Variants in POGZ observed in about 807,000 individuals in gnomAD.
POGZ encodes pogo transposable element with ZNF domain.
POGZ carries 17 observed loss-of-function variants against 134.6 expected under a neutral mutation model. The ratio of observed to expected loss-of-function variants is 0.13; its 90% CI spans 0.09 to 0.19. POGZ has a LOEUF of 0.19. Ranked by LOEUF, POGZ falls within the 10% of genes least tolerant of loss-of-function variation. The pLI, the probability that POGZ is intolerant of heterozygous loss-of-function variation, is 1.00. For missense variants in POGZ, 1,306 were observed against 1,769.7 expected (o/e 0.74, Z 4.70); for synonymous variants, 693 against 657.1 (o/e 1.05, Z -0.84).
chr1:151,450,766 G>A (rs1661948135), intron 1 of POGZ: 1 of 150,982 alleles, frequency 6.6e-6, no homozygotes, highest in African/African-American at 2.5e-5. Context: ...TTTTTGCAGA[G>A]GGCAATGCCT....
intron 1 of POGZ, among the ~76,000 whole-genome samples, chr1:151,453,942 G>A (rs1557957851): frequency 3.3e-5 from 5 of 152,136 alleles, no homozygotes; most frequent in Non-Finnish European, 5.9e-5. Context: ...TACTTTTAAG[G>A]TATTTAATGG....
intron 12 of POGZ, among the ~76,000 whole-genome samples, chr1:151,409,442 A>G (rs1654276478): frequency 6.6e-6 from 1 of 151,958 alleles, no homozygotes; most frequent in Non-Finnish European, 1.5e-5. Context: ...TGGCATGTTC[A>G]TAGCTCACTG....
intron 3 of POGZ, among the ~76,000 whole-genome samples, chr1:151,436,553 C>T (rs979550276): frequency 6.6e-6 from 1 of 152,182 alleles, no homozygotes; most frequent in Non-Finnish European, 1.5e-5. Context: ...AAACGATTCT[C>T]CTGCCTCAGC....
intron 10 of POGZ, 90 bp from the exon 11 acceptor site, chr1:151,412,486 T>G (rs1229361125): frequency 2.8e-6 from 2 of 726,614 alleles, no homozygotes; most frequent in Non-Finnish European, 4.8e-6. Context: ...GCCTCCTTTA[T>G]TTTGATTTTC....
intron 16 of POGZ, 35 bp downstream of exon 16, chr1:151,407,199 GA>G: frequency 6.7e-7 from 1 of 1,484,730 alleles, no homozygotes; most frequent in Non-Finnish European, 9.3e-7. Flanking sequence ...GTAAAAACCT[GA>G]AAAATTAAGA....
At chr1:151,426,105 T>C (rs747576831) in intron 7 of POGZ, 3 of 152,146 alleles carry the variant, frequency 2.0e-5, no homozygotes, top group African/African-American at 2.4e-5. Flanking sequence ...TAATGATTAA[T>C]AACACTGAGC....
At chr1:151,424,424 C>G (rs1557902675) in intron 8 of POGZ, 138 bp from the exon 9 acceptor site, 1 of 584,990 alleles carries the variant, frequency 1.7e-6, no homozygotes, top group Admixed American at 3.4e-5. Flanking sequence ...TTTTTTTTAG[C>G]GTTTCCAAGT....
intron 1 of POGZ, among the ~76,000 whole-genome samples, chr1:151,445,605 A>AT (rs955904229): frequency 3.1e-5 from 2 of 64,472 alleles, no homozygotes; most frequent in Admixed American, 1.1e-4. Flanking sequence ...AATATTTTTC[A>AT]TTTTTTTTTA....
chr1:151,437,229 C>T (rs970766805), intron 3 of POGZ, among the ~76,000 whole-genome samples: 9 of 151,184 alleles, frequency 6.0e-5, no homozygotes, highest in African/African-American at 2.2e-4. Flanking sequence ...GTAATACATG[C>T]CACAAACACC....
intron 5 of POGZ, among the ~76,000 whole-genome samples, chr1:151,428,818 C>T (rs1658197060): frequency 1.3e-5 from 2 of 152,166 alleles, no homozygotes; most frequent in African/African-American, 4.8e-5. Flanking sequence ...CCATCCTCTT[C>T]TATCAACTCA....
chr1:151,458,955 GGCCGCCCCTGCCGCGGGCCGC>G lies in POGZ; in HGVS notation c.-2+176_-2+196del, dbSNP rs1243678800. Reference sequence around the variant, plus strand: ...CTCGCGCTCGCGCGCCGCACCCCGCGGCCGCCCCTGCCGCGGGCCGCGCCGCCACTCGCGGTGGGCGGGGGC... The same window carrying G: ...CTCGCGCTCGCGCGCCGCACCCCGCGGCCGCCACTCGCGGTGGGCGGGGGC... On this transcript the variant is annotated intron_variant, in intron 1 of 18. Transcript: ENST00000271715. Among the ~76,000 whole-genome samples the G allele has an allele frequency of 5.5e-4, 79 of 144,076 alleles. 1 individual carries two copies. The highest frequency in any genetic ancestry group is 3.1e-3 in the Admixed American group (45 of 14,614). The allele number at this position is 144,076 out of a possible 152,430, so 94.5% of individuals were successfully genotyped here.
chr1:151,423,346 G>A (rs1358443471), intron 10 of POGZ, 51 bp downstream of exon 10: 2 of 1,481,714 alleles, frequency 1.3e-6, no homozygotes, highest in Non-Finnish European at 9.4e-7. Context: ...GCCATTCAAT[G>A]AGTGAACAGC....
intron 10 of POGZ, among the ~76,000 whole-genome samples, chr1:151,416,346 TAGGAGTTAG>T (rs1269673500): frequency 6.7e-6 from 1 of 148,314 alleles, no homozygotes; most frequent in Admixed American, 6.7e-5. Flanking sequence ...CACTTGAGGC[TAGGAGTTAG>T]AGACCAGCCT....
At chr1:151,433,123 T>C (rs897323307) in intron 3 of POGZ, among the ~76,000 whole-genome samples, 5 of 152,170 alleles carry the variant, frequency 3.3e-5, no homozygotes, top group Non-Finnish European at 7.3e-5. Flanking sequence ...AACATCCCAA[T>C]TAAATACAAG....
intron 10 of POGZ, among the ~76,000 whole-genome samples, chr1:151,414,726 G>A (rs1328285249): frequency 1.3e-5 from 2 of 152,138 alleles, no homozygotes; most frequent in Non-Finnish European, 2.9e-5. Context: ...AGGCTGCGGT[G>A]AGCCAAGATG....
Position 151,428,262 on chromosome 1 carries a change from G to C in POGZ, c.720C>G (p.Thr240=), listed in dbSNP as rs755391276. Reference sequence around the variant, plus strand: ...TCTGCTGGGACTGGGACTGTGGGACGGTGCTTCGAATGGTAAGAGTGGCCG... The same window carrying C: ...TCTGCTGGGACTGGGACTGTGGGACCGTGCTTCGAATGGTAAGAGTGGCCG... ...VIPATLTIRS[T]VPQSQSQQTK... is the part of the protein sequence containing the mutation. Residue 240 remains threonine, a synonymous_variant, in exon 6 of 19, where the codon ACC becomes ACG. Coordinates refer to ENST00000271715, the MANE Select transcript of POGZ (RefSeq NM_015100.4). 3 of 1,613,992 alleles carry C rather than the reference G, an allele frequency of 1.9e-6. No homozygotes were observed.
At chr1:151,407,096 A>C in intron 16 of POGZ, 73 bp from the exon 17 acceptor site, 2 of 1,300,658 alleles carry the variant, frequency 1.5e-6, no homozygotes, top group South Asian at 2.5e-5. Flanking sequence ...TTTGAGGCTT[A>C]AGAAAGAAAA....
At chr1:151,415,739 A>T (rs1455109377) in intron 10 of POGZ, among the ~76,000 whole-genome samples, 1 of 152,104 alleles carries the variant, frequency 6.6e-6, no homozygotes, top group Non-Finnish European at 1.5e-5. Context: ...GAAAACAGGA[A>T]TAATAACTAA....
At chr1:151,428,483 A>C in intron 5 of POGZ, 70 bp from the exon 6 acceptor site, 1 of 1,332,810 alleles carries the variant, frequency 7.5e-7, no homozygotes, top group Non-Finnish European at 1.1e-6. Context: ...CCCTGCCTTT[A>C]CTGGAAAGAT....
Sources: allele counts gnomAD v4.1 joint callset (sites outside exome capture counted in the v4.1 genomes callset), GRCh38; gene constraint gnomAD v4.1.1; transcripts MANE v1.5; gene names NCBI Gene and HGNC (gene_info 2026-07-23, HGNC 2026-07-21).